The following ANKS1B variants were observed in gnomAD, a reference collection of about 807,000 sequenced individuals.
ANKS1B encodes the protein ankyrin repeat and sterile alpha motif domain containing 1B, also known as ankyrin repeat and sterile alpha motif domain-containing protein 1B.
A neutral mutation model predicts 148.3 loss-of-function variants in ANKS1B; 36 were observed. The observed-to-expected ratio is 0.24, with a 90% CI of 0.19 to 0.32. The LOEUF (loss-of-function observed/expected upper bound fraction) is 0.32, where lower values mean the gene tolerates loss of function less well. Among genes scored for constraint, ANKS1B ranks in the 10% least tolerant of loss-of-function variants. The probability of loss-of-function intolerance (pLI) is 1.00; values close to 1 mark genes in which losing one functional copy is unlikely to be tolerated. For missense variants in ANKS1B, 1,157 were observed against 1,542.6 expected (o/e 0.75, Z 4.19); for synonymous variants, 542 against 560.8 (o/e 0.97, Z 0.47).
rs568475904 is a variant in ANKS1B at position 99,724,949 on chromosome 12, C to G, written c.1128+47973G>C. On this transcript the variant is annotated intron_variant, in intron 8 of 26. Coordinates refer to ENST00000683438, the MANE Select transcript of ANKS1B (RefSeq NM_001352186.2). ...AGAAATAAAATCCTTTCCAGACAAGCAAATACTGAGGGATTTCATCACCAC... is the reference window on the plus strand; with the variant it reads ...AGAAATAAAATCCTTTCCAGACAAGGAAATACTGAGGGATTTCATCACCAC... Among the ~76,000 whole-genome samples, 4 of 152,228 alleles carry G rather than the reference C, an allele frequency of 2.6e-5. No homozygotes were observed. The South Asian group carries it at 8.3e-4, about 32-fold the overall frequency.
At chr12:99,010,901 G>GTT (rs1309326368) in intron 17 of ANKS1B, among the ~76,000 whole-genome samples, 41 of 51,294 alleles carry the variant, frequency 8.0e-4, no homozygotes, top group Admixed American at 1.5e-3. Context: ...GTGAGCTTTT[G>GTT]TTTTTTTTTT....
At chr12:99,160,773 C>T (rs568786118) in intron 14 of ANKS1B, among the ~76,000 whole-genome samples, 1 of 152,258 alleles carries the variant, frequency 6.6e-6, no homozygotes, top group Non-Finnish European at 1.5e-5. Flanking sequence ...CCAGCTATCC[C>T]AGCATAATTT....
In ANKS1B at chr12:99,246,770, C is replaced by G. The variant is rs1031610290; in HGVS notation, c.1851G>C (p.Glu617Asp). The change falls in exon 13 of 27, where the codon GAG becomes GAC. Residue 617 changes from glutamate to aspartate, a missense_variant. By Grantham distance (45) the Glu-to-Asp change is conservative. This residue lies in a region of ANKS1B where 661 missense variants were observed against 642.1 expected (regional missense o/e 1.03). Transcript: ENST00000683438. ...GLLHGSSPACESPENPFHLYG... is the reference protein window; with the variant it reads ...GLLHGSSPACDSPENPFHLYG... ...AGAGATGAAATGGATTTTCAGGGGA[C>G]TCACAGGCTGGAGAGGATCCATGGA... is the stretch of plus-strand genomic sequence containing the variant. 5.0e-6 allele frequency: 8 copies of G among 1,613,728 alleles called. No individual in the cohort carries two copies. The highest frequency in any genetic ancestry group is 2.7e-5 in the African/African-American group (2 of 74,902).
intron 14 of ANKS1B, among the ~76,000 whole-genome samples, chr12:99,189,642 A>G (rs988373948): frequency 6.6e-6 from 1 of 152,222 alleles, no homozygotes; most frequent in South Asian, 2.1e-4. Context: ...AAAATTCAAC[A>G]GCCCTTCATC....
intron 12 of ANKS1B, among the ~76,000 whole-genome samples, chr12:99,346,845 C>G (rs1311780795): frequency 1.3e-5 from 2 of 151,944 alleles, no homozygotes; most frequent in African/African-American, 2.4e-5. Context: ...GCCTGCTTCC[C>G]CTTCACCTAC....
chr12:99,050,755 G>A (rs1275351125), intron 17 of ANKS1B, among the ~76,000 whole-genome samples: 7 of 143,058 alleles, frequency 4.9e-5, no homozygotes, highest in African/African-American at 1.5e-4. Context: ...GCAGTGGCGC[G>A]ATCTCTGCTC....
intron 11 of ANKS1B, among the ~76,000 whole-genome samples, chr12:99,427,499 G>A (rs1426634546): frequency 6.6e-6 from 1 of 152,138 alleles, no homozygotes; most frequent in Non-Finnish European, 1.5e-5. Context: ...CCTCTTCAGA[G>A]AGGCCTTCTC....
intron 17 of ANKS1B, among the ~76,000 whole-genome samples, chr12:98,926,411 G>C (rs937963021): frequency 1.3e-5 from 2 of 152,154 alleles, no homozygotes; most frequent in African/African-American, 4.8e-5. Flanking sequence ...AGACCTTAGA[G>C]AGGAGGGAGG....
chr12:99,161,118 G>T (rs1269678018), intron 14 of ANKS1B, among the ~76,000 whole-genome samples: 1 of 152,132 alleles, frequency 6.6e-6, no homozygotes, highest in Non-Finnish European at 1.5e-5. Flanking sequence ...GATTGCTTTG[G>T]GAAGTATGGC....
At chr12:98,741,491 G>GA (rs1311802010), downstream of ANKS1B, among the ~76,000 whole-genome samples, 3 of 152,118 alleles carry the variant, frequency 2.0e-5, no homozygotes, top group Admixed American at 6.5e-5. Context: ...AGATTTCTTA[G>GA]AAAATCTGTG....
At chr12:99,634,222 C>T (rs542761929) in intron 9 of ANKS1B, among the ~76,000 whole-genome samples, 3 of 152,188 alleles carry the variant, frequency 2.0e-5, no homozygotes, top group Non-Finnish European at 4.4e-5. Context: ...ATACATTCAT[C>T]AATTAATAGA....
At chr12:99,812,586 G>A (rs1303774188) in intron 2 of ANKS1B, among the ~76,000 whole-genome samples, 1 of 141,010 alleles carries the variant, frequency 7.1e-6, no homozygotes, top group African/African-American at 2.6e-5. Context: ...GAAAGAGAGC[G>A]AGAGCACACA....
At chr12:99,931,169 C>T (rs972818740) in intron 1 of ANKS1B, among the ~76,000 whole-genome samples, 5 of 151,814 alleles carry the variant, frequency 3.3e-5, no homozygotes, top group Admixed American at 3.3e-4. Context: ...GGAAGGGGAA[C>T]ATCACACACC....
At chr12:99,777,903 G>A (rs1037505777) in intron 6 of ANKS1B, among the ~76,000 whole-genome samples, 2 of 151,498 alleles carry the variant, frequency 1.3e-5, no homozygotes, top group African/African-American at 4.8e-5. Flanking sequence ...GTTTTTAAAA[G>A]TTCAGTGAGA....
intron 12 of ANKS1B, among the ~76,000 whole-genome samples, chr12:99,336,082 C>T (rs2088802644): frequency 6.6e-6 from 1 of 152,096 alleles, no homozygotes; most frequent in Non-Finnish European, 1.5e-5. Flanking sequence ...GATGATTTCT[C>T]ATTGTGGTTT....
intron 10 of ANKS1B, among the ~76,000 whole-genome samples, chr12:99,453,502 G>A (rs2095793793): frequency 6.6e-6 from 1 of 152,076 alleles, no homozygotes; most frequent in Non-Finnish European, 1.5e-5. Context: ...CAGCCCACCA[G>A]AAACTGAACC....
intron 14 of ANKS1B, among the ~76,000 whole-genome samples, chr12:99,158,222 C>T (rs1250817323): frequency 3.9e-5 from 6 of 152,108 alleles, no homozygotes; most frequent in Admixed American, 3.3e-4. Context: ...ACTCTCTTTA[C>T]CTAAAATACT....
chr12:98,894,401 G>T (rs2099759136), intron 17 of ANKS1B, among the ~76,000 whole-genome samples: 1 of 151,762 alleles, frequency 6.6e-6, no homozygotes, highest in African/African-American at 2.4e-5. Context: ...GGGTGGTGGG[G>T]GAATCGATAA....
chr12:99,495,476 T>C (rs983579902), intron 10 of ANKS1B, among the ~76,000 whole-genome samples: 1 of 152,128 alleles, frequency 6.6e-6, no homozygotes, highest in African/African-American at 2.4e-5. Flanking sequence ...TCCATATGGA[T>C]GAAGGAGGCA....
Sources: gnomAD v4.1 joint callset for allele counts (sites outside exome capture counted in the v4.1 genomes callset) on GRCh38, gnomAD v4.1.1 for gene constraint, gnomAD v4.1.1 regional missense constraint, MANE v1.5 for transcripts, NCBI Gene and HGNC (gene_info 2026-07-23, HGNC 2026-07-21) for gene names.